Variants in PM20D1 observed in about 807,000 individuals in gnomAD.
PM20D1 encodes the protein peptidase M20 domain containing 1, also known as N-fatty-acyl-amino acid synthase/hydrolase PM20D1.
Under a neutral mutation model 53.8 loss-of-function variants are expected in PM20D1, and 53 were observed. The observed-to-expected ratio is 0.98, with a 90% CI of 0.79 to 1.24. PM20D1 has a LOEUF of 1.24. Among genes scored for constraint, PM20D1 ranks in the 50% most tolerant of loss-of-function variants. The probability of loss-of-function intolerance (pLI) is 0.00; values close to 1 mark genes in which losing one functional copy is unlikely to be tolerated. For synonymous variants in PM20D1, 239 were observed against 241.3 expected, an observed-to-expected ratio of 0.99 and a Z score of 0.09; for missense variants, 564 against 616.8, an observed-to-expected ratio of 0.91 and a Z score of 0.91.
Position 205,841,878 on chromosome 1 carries a change from C to A in PM20D1, c.977G>T (p.Arg326Ile), listed in dbSNP as rs1414164520. The change falls in exon 9 of 13, where the codon AGA becomes ATA. Residue 326 changes from arginine (R) to isoleucine (I), a missense_variant. Coordinates refer to ENST00000367136, the MANE Select transcript of PM20D1 (RefSeq NM_152491.5). ...FEPLISRFME[R>I]NPLTNAIIRT... ...GATTATTGCATTGGTTAAGGGATTT[C>A]TCTCCATAAACCTAAAACAAAAGGA... The A allele has an allele frequency of 2.6e-6, 4 of 1,561,954 alleles. No homozygotes were observed. In the South Asian group the frequency reaches 4.7e-5, roughly 18 times the overall value.
At position 205,840,303 on chromosome 1, in the gene PM20D1, C is replaced by T. The variant is rs756079468; in HGVS notation, c.1065G>A (p.Val355=). The T allele has an allele frequency of 6.2e-7, 1 of 1,614,004 alleles. No homozygotes were observed. Among genetic ancestry groups the T allele is most frequent in the South Asian group, 1.1e-5 (1 of 91,022 alleles). The change falls in exon 10 of 13, where the codon GTG becomes GTA. Residue 355 remains valine (V), a synonymous_variant. Coordinates refer to ENST00000367136, the MANE Select transcript of PM20D1 (RefSeq NM_152491.5). ...AGVKFNVIPP[V]AQATVNFRIH... ...TCCGGAAGTTGACTGTGGCCTGGGC[C>T]ACTGGGGGGATGACATTGAACTAGA...
At chr1:205,837,175 C>A (rs888950530) in intron 10 of PM20D1, among the ~76,000 whole-genome samples, 4 of 152,210 alleles carry the variant, frequency 2.6e-5, no homozygotes, top group African/African-American at 9.7e-5. Flanking sequence ...ACCATTCTCC[C>A]AAATGCTTAG....
chr1:205,845,427 C>CACCA lies in PM20D1; in HGVS notation c.383_386dup (p.Pro130GlyfsTer5), dbSNP rs756163054. On this transcript the variant is annotated frameshift_variant, in exon 3 of 13. Coordinates refer to ENST00000367136, the MANE Select transcript of PM20D1 (RefSeq NM_152491.5). LOFTEE classifies it high-confidence loss of function. ...CCTCCCAGCCTTCTTCAGGGGCAGG[C>CACCA]ACCACATCAAAGTGAGCCATCAGCA... 3 of 1,614,218 alleles carry CACCA rather than the reference C, an allele frequency of 1.9e-6. No individual in the cohort carries two copies. The South Asian group carries it at 3.3e-5, about 18-fold the overall frequency.
Position 205,828,602 on chromosome 1 carries a change from C to T in PM20D1, c.*18G>A, listed in dbSNP as rs757389829. Reference sequence around the variant, plus strand: ...TGTCCCGGGGTCGGGCATGCCTAACCCAGCAGGCCCCTTGACCTCACAGTT... The same window carrying T: ...TGTCCCGGGGTCGGGCATGCCTAACTCAGCAGGCCCCTTGACCTCACAGTT... On this transcript the variant is annotated 3_prime_UTR_variant, in exon 13 of 13. Transcript: ENST00000367136. 1 of 1,613,832 alleles carries T rather than the reference C, an allele frequency of 6.2e-7. No individual in the cohort carries two copies. The highest frequency in any genetic ancestry group is 8.5e-7 in the Non-Finnish European group (1 of 1,179,908).
intron 10 of PM20D1, among the ~76,000 whole-genome samples, chr1:205,833,416 A>G (rs926071589): frequency 2.0e-5 from 3 of 152,210 alleles, no homozygotes; most frequent in Admixed American, 6.5e-5. Context: ...AGGGTCACAC[A>G]CTTTTTTCCC....
chr1:205,844,669 T>G (rs1656902538), intron 4 of PM20D1, 142 bp downstream of exon 4: 1 of 692,932 alleles, frequency 1.4e-6, no homozygotes, highest in Admixed American at 2.9e-5. Flanking sequence ...TAGATAGTCC[T>G]GGCATACAGA....
chr1:205,832,749 C>G lies in PM20D1; in HGVS notation c.1134G>C (p.Lys378Asn), dbSNP rs75935982. The change falls in exon 11 of 13, where the codon AAG becomes AAC. Residue 378 changes from lysine (K) to asparagine (N), a missense_variant. Coordinates refer to ENST00000367136, the MANE Select transcript of PM20D1 (RefSeq NM_152491.5). The part of the protein sequence containing the change: ...QTVQEVLELT[K>N]NIVADNRVQF... ...GGACTCTGTTATCAGCCACAATGTT[C>G]TTCGTGAGTTCTAGGACCTCCAGGG... is the stretch of plus-strand genomic sequence containing the variant. 6.2e-7 allele frequency: 1 copy of G among 1,601,610 alleles called. No individual in the cohort carries two copies. The highest frequency in any genetic ancestry group is 1.7e-5 in the Admixed American group (1 of 58,276).
rs1429611395 is a variant in PM20D1 at position 205,849,922 on chromosome 1, T to A, written c.151A>T (p.Met51Leu). The change falls in exon 1 of 13, where the codon ATG becomes TTG. Residue 51 changes from methionine (M) to leucine (L), a missense_variant. Met to Leu is a conservative substitution (Grantham distance 15). Coordinates refer to ENST00000367136, the MANE Select transcript of PM20D1 (RefSeq NM_152491.5). ...GGTTCACCTTTCAGCGCCTCTTTCA[T>A]CGCGACGCGTTCCTCTTTGCTGAAC... is the stretch of plus-strand genomic sequence containing the variant. ...SQFSKEERVA[M>L]KEALKGAIQI... The A allele has an allele frequency of 6.2e-7, 1 of 1,612,984 alleles. No individual in the cohort carries two copies. Among genetic ancestry groups the A allele is most frequent in the African/African-American group, 1.3e-5 (1 of 74,876 alleles).
rs1656492689 is a variant in PM20D1 at position 205,828,617 on chromosome 1, AC to A, written c.*2del. ...CATGCCTAACCCAGCAGGCCCCTTG[AC>A]CTCACAGTTTGTGCAGGTGAGAAAC... On this transcript the variant is annotated 3_prime_UTR_variant, in exon 13 of 13. Transcript: ENST00000367136. The A allele has an allele frequency of 1.2e-6, 2 of 1,613,982 alleles. No individual in the cohort carries two copies. Among genetic ancestry groups the A allele is most frequent in the Non-Finnish European group, 1.7e-6 (2 of 1,180,018 alleles).
chr1:205,830,163 T>G (rs1656525570), intron 12 of PM20D1, 117 bp downstream of exon 12: 2 of 744,002 alleles, frequency 2.7e-6, no homozygotes, highest in Non-Finnish European at 4.6e-6. Flanking sequence ...CCATTTCATT[T>G]TGCCAAATCC....
chr1:205,842,185 T>C lies in PM20D1; in HGVS notation c.934A>G (p.Asn312Asp), dbSNP rs1656827085. ...FPFPVNIILS[N>D]PWLFEPLISR... ...ATAAGTGGTTCAAATAGCCATGGGT[T>C]GCTCAGGATTATATTGACAGGGAAG... The change falls in exon 8 of 13, where the codon AAC becomes GAC. Residue 312 changes from asparagine (N) to aspartate (D), a missense_variant. Transcript: ENST00000367136. 1.2e-6 allele frequency: 2 copies of C among 1,613,304 alleles called. No homozygotes were observed. The highest frequency in any genetic ancestry group is 2.7e-5 in the African/African-American group (2 of 74,892).
At chr1:205,837,977 A>G (rs1656718380) in intron 10 of PM20D1, among the ~76,000 whole-genome samples, 1 of 152,124 alleles carries the variant, frequency 6.6e-6, no homozygotes, top group African/African-American at 2.4e-5. Flanking sequence ...CAGGGCTCAC[A>G]TTGGTCCTAA....
chr1:205,846,942 C>G, intron 2 of PM20D1, among the ~76,000 whole-genome samples: 1 of 149,792 alleles, frequency 6.7e-6, no homozygotes, highest in East Asian at 1.9e-4. Flanking sequence ...TCAGCCTGGC[C>G]TCAGCTTGGC....
intron 6 of PM20D1, among the ~76,000 whole-genome samples, chr1:205,843,420 G>T (rs759548239): frequency 2.0e-5 from 3 of 152,138 alleles, no homozygotes; most frequent in Admixed American, 6.5e-5. Context: ...CATTTGAGAT[G>T]ACCCCAGCCT....
intron 2 of PM20D1, among the ~76,000 whole-genome samples, chr1:205,846,030 C>T (rs1656948749): frequency 6.7e-6 from 1 of 148,430 alleles, no homozygotes; most frequent in Admixed American, 6.9e-5. Flanking sequence ...TTGCAGTGAG[C>T]TGAGGTTCCG....
chr1:205,846,879 A>C (rs1656999419), intron 2 of PM20D1, among the ~76,000 whole-genome samples: 1 of 151,652 alleles, frequency 6.6e-6, no homozygotes, highest in African/African-American at 2.4e-5. Context: ...TACTGTCACT[A>C]TACATTTCCT....
intron 1 of PM20D1, among the ~76,000 whole-genome samples, chr1:205,849,420 G>A (rs760239886): frequency 3.9e-5 from 6 of 152,046 alleles, no homozygotes; most frequent in Non-Finnish European, 7.4e-5. Flanking sequence ...GGCACTAGAT[G>A]CTGTCACCCA....
intron 10 of PM20D1, among the ~76,000 whole-genome samples, chr1:205,838,329 T>G (rs1278221541): frequency 6.6e-6 from 1 of 152,202 alleles, no homozygotes; most frequent in Non-Finnish European, 1.5e-5. Context: ...AAGCTGGCAT[T>G]TACTGTGGAT....
At chr1:205,840,421 G>T in intron 9 of PM20D1, 98 bp from the exon 10 acceptor site, 1 of 1,134,260 alleles carries the variant, frequency 8.8e-7, no homozygotes, top group Non-Finnish European at 1.3e-6. Flanking sequence ...AGGCAGAGTT[G>T]GCTGATTTGA....
Sources: allele counts gnomAD v4.1 joint callset (sites outside exome capture counted in the v4.1 genomes callset), GRCh38; gene constraint gnomAD v4.1.1; transcripts MANE v1.5; gene names NCBI Gene and HGNC (gene_info 2026-07-23, HGNC 2026-07-21).